GBF1: variants seen among roughly 807,000 people sequenced by gnomAD.
GBF1 encodes Golgi-specific brefeldin A-resistance guanine nucleotide exchange factor 1.
In GBF1, 114 loss-of-function variants were observed where a neutral mutation model predicts 210.5. The ratio of observed to expected loss-of-function variants is 0.54; its 90% CI spans 0.47 to 0.63. The LOEUF (loss-of-function observed/expected upper bound fraction) is 0.63. Ranked by LOEUF, GBF1 falls within the 30% of genes least tolerant of loss-of-function variation. The pLI, the probability that GBF1 is intolerant of heterozygous loss-of-function variation, is 0.00. For missense variants in GBF1, 1,851 were observed against 2,357.7 expected, an observed-to-expected ratio of 0.79 and a Z score of 4.45; for synonymous variants, 850 against 889.2, an observed-to-expected ratio of 0.96 and a Z score of 0.78.
At chr10:102,378,084 G>A (rs943847618) in intron 33 of GBF1, among the ~76,000 whole-genome samples, 1 of 151,920 alleles carries the variant, frequency 6.6e-6, no homozygotes, top group South Asian at 2.1e-4. Flanking sequence ...TGTGCATGGT[G>A]GCAGGCGCCT....
Position 102,260,124 on chromosome 10 carries a change from TC to T in GBF1, c.163+10del. On this transcript the variant is annotated intron_variant, in intron 3 of 39. Transcript: ENST00000369983. ...TTTTAAACAGTATAACAGGTAAGTCTCCATATGTATGTGGATTACTAATCTT... is the reference window on the plus strand; with the variant it reads ...TTTTAAACAGTATAACAGGTAAGTCTCATATGTATGTGGATTACTAATCTT... 2 of 1,379,852 alleles carry T rather than the reference TC, an allele frequency of 1.4e-6. No individual in the cohort carries two copies. The highest frequency in any genetic ancestry group is 2.1e-6 in the Non-Finnish European group (2 of 971,372). 85.5% of individuals were successfully genotyped at this position (1,379,852 alleles called of 1,614,324 possible). A position where few individuals can be genotyped will look rare whatever the true frequency, so the allele number is the denominator to read the frequency against.
intron 3 of GBF1, among the ~76,000 whole-genome samples, chr10:102,343,180 G>T (rs1184334425): frequency 6.6e-6 from 1 of 152,160 alleles, no homozygotes; most frequent in Non-Finnish European, 1.5e-5. Flanking sequence ...AGACTGCTCA[G>T]CCTTTTGTTC....
chr10:102,288,447 C>T (rs958611217), intron 3 of GBF1, among the ~76,000 whole-genome samples: 23 of 151,608 alleles, frequency 1.5e-4, no homozygotes, highest in Admixed American at 2.6e-4. Flanking sequence ...CGCGGTGGCT[C>T]ACGCCTGTAA....
intron 4 of GBF1, among the ~76,000 whole-genome samples, chr10:102,347,633 GA>G (rs1216429657): frequency 4.6e-5 from 7 of 152,326 alleles, no homozygotes; most frequent in Non-Finnish European, 1.0e-4. Context: ...AGGAGTGTAT[GA>G]AAGCCAAGAA....
intron 23 of GBF1, 58 bp downstream of exon 23, chr10:102,368,890 C>A: frequency 8.6e-7 from 1 of 1,169,308 alleles, no homozygotes; most frequent in Non-Finnish European, 1.3e-6. Flanking sequence ...CTCTTTTAGC[C>A]ATGGATCTAC....
In GBF1 at chr10:102,379,331, C is replaced by G; in HGVS notation, c.4542C>G (p.Tyr1514Ter). Residue 1514 changes from tyrosine to a stop codon, truncating the protein, a stop_gained, in exon 34 of 40, where the codon TAC (tyrosine) becomes TAG (stop). Transcript: ENST00000369983. LOFTEE classifies it high-confidence loss of function. ...HTLHTRAASI[Y>*]SSWAEEQRHL... ...TGCACACGCGGGCAGCCTCTATCTACAGCTCATGGGCGGAGGAGCAACGCC... is the reference window on the plus strand; with the variant it reads ...TGCACACGCGGGCAGCCTCTATCTAGAGCTCATGGGCGGAGGAGCAACGCC... 3.1e-6 allele frequency: 5 copies of G among 1,613,986 alleles called. No individual in the cohort carries two copies. Among genetic ancestry groups the G allele is most frequent in the Non-Finnish European group, 4.2e-6 (5 of 1,179,936 alleles).
At chr10:102,250,505 G>A (rs2071376716) in intron 1 of GBF1, among the ~76,000 whole-genome samples, 1 of 149,022 alleles carries the variant, frequency 6.7e-6, no homozygotes, top group Admixed American at 6.8e-5. Context: ...CTACAGGCAT[G>A]TATCACTATG....
chr10:102,297,007 T>G (rs1207526676), intron 3 of GBF1, among the ~76,000 whole-genome samples: 1 of 150,652 alleles, frequency 6.6e-6, no homozygotes, highest in Non-Finnish European at 1.5e-5. Flanking sequence ...GTCGCACTAC[T>G]GTACTCCAGC....
chr10:102,350,602 G>A (rs1315153968), intron 4 of GBF1, among the ~76,000 whole-genome samples: 1 of 152,092 alleles, frequency 6.6e-6, no homozygotes, highest in African/African-American at 2.4e-5. Flanking sequence ...GAAATTAGTA[G>A]ATTTATACTA....
At chr10:102,322,578 A>G (rs894489370) in intron 3 of GBF1, among the ~76,000 whole-genome samples, 14 of 151,996 alleles carry the variant, frequency 9.2e-5, no homozygotes, top group Admixed American at 7.2e-4. Flanking sequence ...GCCCATGACA[A>G]AATACTAGTG....
At chr10:102,320,225 C>T (rs2056272769) in intron 3 of GBF1, among the ~76,000 whole-genome samples, 1 of 152,040 alleles carries the variant, frequency 6.6e-6, no homozygotes, top group African/African-American at 2.4e-5. Context: ...AGTTTTCCTT[C>T]GAAACTTGAT....
chr10:102,330,557 G>T (rs948614409), intron 3 of GBF1, among the ~76,000 whole-genome samples: 1 of 151,922 alleles, frequency 6.6e-6, no homozygotes, highest in East Asian at 1.9e-4. Context: ...GGTAGTACAC[G>T]CCTGTAATCC....
intron 3 of GBF1, among the ~76,000 whole-genome samples, chr10:102,312,954 A>G (rs1388969248): frequency 1.3e-5 from 2 of 151,982 alleles, no homozygotes; most frequent in African/African-American, 4.8e-5. Context: ...ATGGTCTCCA[A>G]ATGGTGAAAT....
At chr10:102,368,943 GC>G in intron 23 of GBF1, 111 bp downstream of exon 23, 1 of 729,248 alleles carries the variant, frequency 1.4e-6, no homozygotes. Context: ...TTCCCTCACT[GC>G]CCCCACTTGA....
At chr10:102,301,500 C>T (rs1206726155) in intron 3 of GBF1, among the ~76,000 whole-genome samples, 1 of 152,202 alleles carries the variant, frequency 6.6e-6, no homozygotes, top group Non-Finnish European at 1.5e-5. Context: ...TTGGGTACAC[C>T]TCCCAGACGG....
chr10:102,304,156 T>C (rs1174148837), intron 3 of GBF1, among the ~76,000 whole-genome samples: 9 of 152,170 alleles, frequency 5.9e-5, no homozygotes, highest in Non-Finnish European at 1.3e-4. Flanking sequence ...AGCCAATATA[T>C]ACTTAAGGGG....
chr10:102,249,191 T>C (rs2071197469), intron 1 of GBF1, among the ~76,000 whole-genome samples: 1 of 152,234 alleles, frequency 6.6e-6, no homozygotes, highest in Non-Finnish European at 1.5e-5. Flanking sequence ...GCAGGCCTTA[T>C]GAGACTTAAT....
At chr10:102,297,057 GA>G (rs61709367) in intron 3 of GBF1, among the ~76,000 whole-genome samples, 6 of 149,776 alleles carry the variant, frequency 4.0e-5, no homozygotes, top group African/African-American at 7.3e-5. Context: ...AAAAAAAAAG[GA>G]AAAAAAAGGT....
At chr10:102,360,438 GC>G (rs1247756577) in intron 12 of GBF1, 43 bp downstream of exon 12, 2 of 1,318,702 alleles carry the variant, frequency 1.5e-6, no homozygotes, top group Non-Finnish European at 2.2e-6. Flanking sequence ...TCTTTCAAGG[GC>G]CAGGGGAACA....
Sources: allele counts gnomAD v4.1 joint callset (sites outside exome capture counted in the v4.1 genomes callset), GRCh38; gene constraint gnomAD v4.1.1; transcripts MANE v1.5; gene names NCBI Gene and HGNC (gene_info 2026-07-23, HGNC 2026-07-21).